UGCG: variants seen among roughly 807,000 people sequenced by gnomAD.
The protein encoded by UGCG is ceramide glucosyltransferase.
A neutral mutation model predicts 49.5 loss-of-function variants in UGCG; 10 were observed. The observed-to-expected ratio is 0.20, with a 90% confidence interval of 0.12 to 0.34. The LOEUF (loss-of-function observed/expected upper bound fraction) is 0.34, where lower values mean the gene tolerates loss of function less well. UGCG is among the 10% of genes least tolerant of loss of function. The pLI, the probability that UGCG is intolerant of heterozygous loss-of-function variation, is 1.00. For synonymous variants in UGCG, 182 were observed against 158.2 expected (o/e 1.15, Z -1.13); for missense variants, 312 against 483.7 (o/e 0.65, Z 3.33).
chr9:111,919,093 C>G (rs1383980292), intron 2 of UGCG, among the ~76,000 whole-genome samples: 4 of 152,148 alleles, frequency 2.6e-5, no homozygotes, highest in Non-Finnish European at 5.9e-5. Context: ...AAAGTTTTCT[C>G]TTGCTGGGGA....
At chr9:111,913,525 C>T (rs1253291396) in intron 1 of UGCG, among the ~76,000 whole-genome samples, 2 of 152,074 alleles carry the variant, frequency 1.3e-5, no homozygotes, top group African/African-American at 2.4e-5. Flanking sequence ...CCTCCACCCC[C>T]GGGTTCAAGT....
intron 1 of UGCG, among the ~76,000 whole-genome samples, chr9:111,900,096 A>G (rs66461118): frequency 0.1 from 15,443 of 150,108 alleles, 1,240 homozygotes; most frequent in African/African-American, 0.21. Flanking sequence ...TAGCCTTGGC[A>G]AGTTAAATAG....
chr9:111,919,185 A>G (rs969963150), intron 2 of UGCG, among the ~76,000 whole-genome samples: 2 of 152,328 alleles, frequency 1.3e-5, no homozygotes, highest in Middle Eastern at 3.4e-3. Context: ...ATATGTACTC[A>G]TACTCACAAA....
intron 3 of UGCG, among the ~76,000 whole-genome samples, chr9:111,924,130 T>G (rs7467067): frequency 6.6e-6 from 1 of 152,042 alleles, no homozygotes; most frequent in African/African-American, 2.4e-5. Flanking sequence ...AATATAATCT[T>G]ACTGTATTTA....
chr9:111,897,494 A>G (rs965269403), intron 1 of UGCG, among the ~76,000 whole-genome samples, 181 bp downstream of exon 1: 2 of 150,996 alleles, frequency 1.3e-5, no homozygotes, highest in African/African-American at 4.9e-5. Flanking sequence ...GGTCTTTGCG[A>G]GGGAAAAGTG....
At position 111,934,846 on chromosome 9, in the gene UGCG, A is replaced by G. The variant is rs1219404505; in HGVS notation, c.*1849A>G. The G allele has an allele frequency of 6.6e-6, 1 of 152,064 alleles. No individual in the cohort carries two copies. Among genetic ancestry groups the G allele is most frequent in the Non-Finnish European group, 1.5e-5 (1 of 68,024 alleles). 9.4% of individuals were successfully genotyped at this position (152,064 alleles called of 1,614,324 possible). A position where few individuals can be genotyped will look rare whatever the true frequency, so the allele number is the denominator to read the frequency against. The stretch of plus-strand genomic sequence containing the variant: ...TATTATTCCCTGAGGAAAGTTGCAC[A>G]GTGAAAACCAGTCTGGTTGTGACCC... On this transcript the variant is annotated 3_prime_UTR_variant, in exon 9 of 9. Coordinates refer to ENST00000374279, the MANE Select transcript of UGCG (RefSeq NM_003358.3).
At position 111,929,605 on chromosome 9, in the gene UGCG, C is replaced by G; in HGVS notation, c.664C>G (p.Gln222Glu). ...SCLMRKDVLD[Q>E]AGGLIAFAQY... Reference sequence around the variant, plus strand: ...TTTAATGAGAAAAGATGTGTTGGATCAAGCAGGAGGACTTATAGCTTTTGC... The same window carrying G: ...TTTAATGAGAAAAGATGTGTTGGATGAAGCAGGAGGACTTATAGCTTTTGC... The change falls in exon 6 of 9, where the codon CAA becomes GAA. Residue 222 changes from glutamine to glutamate, a missense_variant. This residue lies in a region of UGCG where 180 missense variants were observed against 320.4 expected (regional missense o/e 0.56). Coordinates refer to ENST00000374279, the MANE Select transcript of UGCG (RefSeq NM_003358.3). 1.2e-6 allele frequency: 2 copies of G among 1,614,050 alleles called. No homozygotes were observed. The highest frequency in any genetic ancestry group is 1.1e-5 in the South Asian group (1 of 91,082).
At chr9:111,916,498 C>T (rs1233507902) in intron 2 of UGCG, among the ~76,000 whole-genome samples, 1 of 152,136 alleles carries the variant, frequency 6.6e-6, no homozygotes, top group Non-Finnish European at 1.5e-5. Context: ...AAGACAGTAT[C>T]TTGCTTTGTC....
intron 1 of UGCG, among the ~76,000 whole-genome samples, chr9:111,908,826 C>G (rs145412888): frequency 0.023 from 3,498 of 152,274 alleles, 43 homozygotes; most frequent in South Asian, 0.028. Context: ...AGTTAGAAAC[C>G]AGTAAAACTT....
intron 1 of UGCG, among the ~76,000 whole-genome samples, chr9:111,903,677 C>T (rs904732977): frequency 6.6e-6 from 1 of 152,204 alleles, no homozygotes; most frequent in Admixed American, 6.5e-5. Flanking sequence ...CTCACCACAG[C>T]CTTGACCTCC....
chr9:111,925,986 C>A (rs997291834), intron 4 of UGCG, among the ~76,000 whole-genome samples: 1 of 152,192 alleles, frequency 6.6e-6, no homozygotes, highest in Non-Finnish European at 1.5e-5. Context: ...AAAATAGTCT[C>A]ATTTCCTATG....
Position 111,926,451 on chromosome 9 carries a change from G to C in UGCG, c.513G>C (p.Leu171=). 1 of 1,610,654 alleles carries C rather than the reference G, an allele frequency of 6.2e-7. No homozygotes were observed. The highest frequency in any genetic ancestry group is 2.2e-5 in the East Asian group (1 of 44,802). Residue 171 remains leucine (L), a synonymous_variant, in exon 5 of 9, where the codon CTG becomes CTC. Transcript: ENST00000374279. The part of the protein sequence containing the change: ...MTEKVGLVHG[L]PYVADRQGFA... ...AAAAAGTAGGCTTGGTTCACGGGCTGCCTTACGTAGCAGACAGACAGGGCT... is the reference window on the plus strand; with the variant it reads ...AAAAAGTAGGCTTGGTTCACGGGCTCCCTTACGTAGCAGACAGACAGGGCT...
chr9:111,916,507 T>C (rs1838113485), intron 2 of UGCG, among the ~76,000 whole-genome samples: 1 of 152,150 alleles, frequency 6.6e-6, no homozygotes. Flanking sequence ...TCTTGCTTTG[T>C]CACCTAGGCT....
Position 111,922,946 on chromosome 9 carries a change from T to G in UGCG, c.338T>G (p.Phe113Cys), listed in dbSNP as rs1838252791. 1 of 1,606,250 alleles carries G rather than the reference T, an allele frequency of 6.2e-7. No individual in the cohort carries two copies. The highest frequency in any genetic ancestry group is 1.3e-5 in the African/African-American group (1 of 74,778). Reference sequence around the variant, plus strand: ...TATCCAAATGTTGATGCTAGATTGTTTATAGGTAAGTAACAAATTCTGTAG... The same window carrying G: ...TATCCAAATGTTGATGCTAGATTGTGTATAGGTAAGTAACAAATTCTGTAG... ...GKYPNVDARL[F>C]IGGKKVGINP... The change falls in exon 3 of 9, where the codon TTT becomes TGT. Residue 113 changes from phenylalanine (F) to cysteine (C), a missense_variant. Phe to Cys is a radical substitution (Grantham distance 205). Around this residue, in one of 4 missense-constraint regions of UGCG, gnomAD observed 64 missense variants for 67.6 expected, o/e 0.95. Transcript: ENST00000374279.
chr9:111,927,737 C>T (rs770200428), intron 5 of UGCG, among the ~76,000 whole-genome samples: 2 of 152,218 alleles, frequency 1.3e-5, no homozygotes, highest in Non-Finnish European at 2.9e-5. Context: ...AGGCGTGAGC[C>T]ACCACGCCCG....
chr9:111,897,178 C>T lies in UGCG; in HGVS notation c.-38C>T. ...CCTGCGGGAGCGTTGTCCGTGTTGGCGGCCGCAGCGGGCCGGGCCGGTCCG... is the reference window on the plus strand; with the variant it reads ...CCTGCGGGAGCGTTGTCCGTGTTGGTGGCCGCAGCGGGCCGGGCCGGTCCG... On this transcript the variant is annotated 5_prime_UTR_variant, in exon 1 of 9. Transcript: ENST00000374279. 1.3e-6 allele frequency: 2 copies of T among 1,518,780 alleles called. No homozygotes were observed. Among genetic ancestry groups the T allele is most frequent in the Non-Finnish European group, 1.8e-6 (2 of 1,131,438 alleles). The allele number at this position is 1,518,780 out of a possible 1,614,324, so 94.1% of individuals were successfully genotyped here.
At chr9:111,910,811 T>C (rs1417754243) in intron 1 of UGCG, among the ~76,000 whole-genome samples, 1 of 152,176 alleles carries the variant, frequency 6.6e-6, no homozygotes, top group Non-Finnish European at 1.5e-5. Flanking sequence ...AGTGGCGCGA[T>C]CTCTGCTCAT....
Position 111,926,380 on chromosome 9 carries a change from G to A in UGCG, c.446-4G>A, listed in dbSNP as rs1283576994. On this transcript the variant is annotated splice_region_variant and splice_polypyrimidine_tract_variant and intron_variant, in intron 4 of 8. Transcript: ENST00000374279. ...CCCCTCTCTGCCTTTTTTTTAAATT[G>A]TAGTAATTCCAGATACGCTTACTGA... The A allele has an allele frequency of 6.3e-7, 1 of 1,580,138 alleles. No homozygotes were observed. The highest frequency in any genetic ancestry group is 1.8e-5 in the Admixed American group (1 of 55,094).
At chr9:111,923,526 G>A (rs961358574) in intron 3 of UGCG, among the ~76,000 whole-genome samples, 1 of 152,180 alleles carries the variant, frequency 6.6e-6, no homozygotes, top group Middle Eastern at 3.4e-3. Context: ...GCATGCCTAC[G>A]AATTAATCAG....
Sources: gnomAD v4.1 joint callset for allele counts (sites outside exome capture counted in the v4.1 genomes callset) on GRCh38, gnomAD v4.1.1 for gene constraint, gnomAD v4.1.1 regional missense constraint, MANE v1.5 for transcripts, NCBI Gene and HGNC (gene_info 2026-07-23, HGNC 2026-07-21) for gene names.